The following ZFAND3 variants were observed in gnomAD, a reference collection of about 807,000 sequenced individuals.
ZFAND3 encodes AN1-type zinc finger protein 3.
In ZFAND3, 10 loss-of-function variants were observed where a neutral mutation model predicts 29.6. The ratio of observed to expected loss-of-function variants is 0.34; its 90% confidence interval spans 0.21 to 0.57. ZFAND3 has a LOEUF of 0.57. Among genes scored for constraint, ZFAND3 ranks in the 20% least tolerant of loss-of-function variants. ZFAND3 has a pLI of 0.86. For synonymous variants in ZFAND3, 128 were observed against 112.6 expected (o/e 1.14, Z -0.87); for missense variants, 230 against 304.5 (o/e 0.76, Z 1.82).
At chr6:37,924,012 G>GTA (rs900085194) in intron 1 of ZFAND3, among the ~76,000 whole-genome samples, 83 of 151,712 alleles carry the variant, frequency 5.5e-4, no homozygotes, top group Admixed American at 2.6e-3. Context: ...TGTTCAAGGG[G>GTA]TATGTATTTT....
chr6:38,033,090 A>T (rs1376467304), intron 2 of ZFAND3, among the ~76,000 whole-genome samples: 1 of 152,192 alleles, frequency 6.6e-6, no homozygotes, highest in Non-Finnish European at 1.5e-5. Context: ...GCTAGCTGAA[A>T]AATTTAAACA....
intron 1 of ZFAND3, among the ~76,000 whole-genome samples, chr6:37,904,010 C>T (rs1032766565): frequency 2.6e-5 from 4 of 152,116 alleles, no homozygotes; most frequent in African/African-American, 9.7e-5. Context: ...TCTGGAATGC[C>T]AAATTTCAGC....
chr6:38,098,859 A>G (rs1186128962), intron 4 of ZFAND3, among the ~76,000 whole-genome samples: 1 of 151,626 alleles, frequency 6.6e-6, no homozygotes. Flanking sequence ...GTTCTTGGAA[A>G]CTTTGTCTTC....
intron 5 of ZFAND3, among the ~76,000 whole-genome samples, chr6:38,130,421 C>T (rs755297204): frequency 2.0e-5 from 3 of 152,162 alleles, no homozygotes; most frequent in Non-Finnish European, 4.4e-5. Context: ...CAACTTTTCC[C>T]CATTCAGTAT....
intron 1 of ZFAND3, among the ~76,000 whole-genome samples, chr6:37,915,303 C>T (rs1761226744): frequency 6.6e-6 from 1 of 152,174 alleles, no homozygotes; most frequent in African/African-American, 2.4e-5. Context: ...CTAAAACTTT[C>T]TGCATATTCG....
intron 3 of ZFAND3, among the ~76,000 whole-genome samples, chr6:38,067,782 C>T (rs1172136919): frequency 6.6e-6 from 1 of 152,174 alleles, no homozygotes; most frequent in African/African-American, 2.4e-5. Context: ...GAAGTGCCCT[C>T]TTAGCTCTTT....
intron 2 of ZFAND3, among the ~76,000 whole-genome samples, chr6:37,961,335 T>G (rs910949844): frequency 6.6e-6 from 1 of 152,208 alleles, no homozygotes; most frequent in African/African-American, 2.4e-5. Flanking sequence ...TCAGCCACAA[T>G]GCAATAGAAC....
intron 1 of ZFAND3, among the ~76,000 whole-genome samples, chr6:37,837,617 G>A (rs1383507102): frequency 6.6e-6 from 1 of 151,506 alleles, no homozygotes; most frequent in Non-Finnish European, 1.5e-5. Context: ...CGATTCTCCT[G>A]CGTCAGCCTC....
At chr6:38,091,497 TTTTG>T (rs1764869308) in intron 4 of ZFAND3, among the ~76,000 whole-genome samples, 4 of 114,560 alleles carry the variant, frequency 3.5e-5, no homozygotes, top group African/African-American at 9.2e-5. Flanking sequence ...TTTTTTTTTT[TTTTG>T]GTGGGGGTGT....
intron 1 of ZFAND3, among the ~76,000 whole-genome samples, chr6:37,851,651 G>T (rs141647445): frequency 1.3e-5 from 2 of 152,206 alleles, no homozygotes; most frequent in East Asian, 1.9e-4. Flanking sequence ...TCCTAAAATA[G>T]AATTATTTTT....
chr6:37,905,527 G>A (rs1423655859), intron 1 of ZFAND3, among the ~76,000 whole-genome samples: 1 of 152,080 alleles, frequency 6.6e-6, no homozygotes, highest in South Asian at 2.1e-4. Context: ...GCTAACATGT[G>A]TCATACTAAA....
At chr6:37,946,374 C>G (rs1404237724) in intron 2 of ZFAND3, among the ~76,000 whole-genome samples, 1 of 152,186 alleles carries the variant, frequency 6.6e-6, no homozygotes, top group African/African-American at 2.4e-5. Context: ...AGAAGGAAAA[C>G]ACAGACCTAG....
chr6:37,837,496 A>G (rs1763989926), intron 1 of ZFAND3, among the ~76,000 whole-genome samples: 1 of 149,138 alleles, frequency 6.7e-6, no homozygotes, highest in Non-Finnish European at 1.5e-5. Context: ...CTTTTAATGT[A>G]TAGATAGTCC....
chr6:38,010,870 G>A (rs1046646254), intron 2 of ZFAND3, among the ~76,000 whole-genome samples: 1 of 150,710 alleles, frequency 6.6e-6, no homozygotes, highest in African/African-American at 2.4e-5. Context: ...CAAAGTGCTG[G>A]GATTACAGGT....
At chr6:38,090,061 C>T (rs778246144) in intron 4 of ZFAND3, among the ~76,000 whole-genome samples, 37 of 152,222 alleles carry the variant, frequency 2.4e-4, no homozygotes, top group African/African-American at 5.3e-4. Flanking sequence ...CCATGTTGGC[C>T]GAGCTGGTCT....
chr6:37,858,955 A>C (rs1438429784), intron 1 of ZFAND3, among the ~76,000 whole-genome samples: 2 of 152,180 alleles, frequency 1.3e-5, no homozygotes, highest in African/African-American at 4.8e-5. Flanking sequence ...AGCATTGTGC[A>C]TGTCGTACTT....
At chr6:38,037,938 C>T (rs1361788720) in intron 2 of ZFAND3, among the ~76,000 whole-genome samples, 1 of 152,146 alleles carries the variant, frequency 6.6e-6, no homozygotes, top group Non-Finnish European at 1.5e-5. Flanking sequence ...CAGTGAGTGA[C>T]TTTTCCTTCA....
chr6:37,989,945 G>T (rs149818289), intron 2 of ZFAND3, among the ~76,000 whole-genome samples: 1 of 152,168 alleles, frequency 6.6e-6, no homozygotes, highest in Non-Finnish European at 1.5e-5. Flanking sequence ...CAGTTTTCTC[G>T]AAGAGTTTCA....
intron 4 of ZFAND3, among the ~76,000 whole-genome samples, chr6:38,115,074 A>C (rs971766489): frequency 2.6e-5 from 4 of 152,092 alleles, no homozygotes; most frequent in Admixed American, 2.0e-4. Context: ...AATTTAAAAG[A>C]AAATGTGACG....
Sources: allele counts gnomAD v4.1 joint callset (sites outside exome capture counted in the v4.1 genomes callset), GRCh38; gene constraint gnomAD v4.1.1; transcripts MANE v1.5; gene names NCBI Gene and HGNC (gene_info 2026-07-23, HGNC 2026-07-21).